Variants in SND1 observed in about 807,000 individuals in gnomAD.
SND1 encodes staphylococcal nuclease domain-containing protein 1.
Under a neutral mutation model 121.7 loss-of-function variants are expected in SND1, and 38 were observed. The observed-to-expected ratio is 0.31, with a 90% CI of 0.24 to 0.41. The LOEUF (loss-of-function observed/expected upper bound fraction) is 0.41. Ranked by LOEUF, SND1 falls within the 10% of genes least tolerant of loss-of-function variation. The pLI, the probability that SND1 is intolerant of heterozygous loss-of-function variation, is 1.00. For synonymous variants in SND1, 401 were observed against 447.4 expected, an observed-to-expected ratio of 0.90 and a Z score of 1.31; for missense variants, 868 against 1,184.6, an observed-to-expected ratio of 0.73 and a Z score of 3.92.
chr7:128,070,008 C>G (rs1793381064), intron 16 of SND1, among the ~76,000 whole-genome samples: 1 of 152,236 alleles, frequency 6.6e-6, no homozygotes, highest in Non-Finnish European at 1.5e-5. Context: ...TCAGCAACCT[C>G]AAAATCCCCA....
intron 15 of SND1, among the ~76,000 whole-genome samples, chr7:127,984,569 C>G (rs1802343157): frequency 6.6e-6 from 1 of 152,204 alleles, no homozygotes; most frequent in South Asian, 2.1e-4. Context: ...CTATTTTTCA[C>G]TAATATTCAT....
intron 15 of SND1, among the ~76,000 whole-genome samples, chr7:127,989,750 C>T (rs1802479492): frequency 6.6e-6 from 1 of 152,190 alleles, no homozygotes; most frequent in Non-Finnish European, 1.5e-5. Context: ...ATGTCTCTAG[C>T]CCAGTTCCAC....
intron 16 of SND1, among the ~76,000 whole-genome samples, chr7:128,040,069 A>G (rs1792823566): frequency 6.6e-6 from 1 of 152,118 alleles, no homozygotes; most frequent in Admixed American, 6.5e-5. Flanking sequence ...TTGCTTGACC[A>G]AGGAAGAATT....
At chr7:128,006,453 C>T (rs778840331) in intron 16 of SND1, among the ~76,000 whole-genome samples, 6 of 152,192 alleles carry the variant, frequency 3.9e-5, no homozygotes, top group Admixed American at 6.5e-5. Context: ...CTTACATGCA[C>T]ATTTTAAAAA....
chr7:127,722,766 C>T (rs1261077254), intron 10 of SND1, among the ~76,000 whole-genome samples: 1 of 152,104 alleles, frequency 6.6e-6, no homozygotes, highest in Non-Finnish European at 1.5e-5. Context: ...AAACCACGTA[C>T]AGGATGGGTG....
chr7:128,030,550 G>C (rs761482598), intron 16 of SND1: 9 of 1,613,230 alleles, frequency 5.6e-6, no homozygotes, highest in African/African-American at 1.3e-5. Flanking sequence ...GCTGCACACA[G>C]AATCCACACT....
chr7:127,863,439 C>CA (rs1030666344), intron 12 of SND1, among the ~76,000 whole-genome samples: 2 of 151,410 alleles, frequency 1.3e-5, no homozygotes, highest in Non-Finnish European at 2.9e-5. Flanking sequence ...TTTCTTCCCT[C>CA]AAAAAAAAAT....
chr7:127,989,481 T>C (rs772344216), intron 15 of SND1, among the ~76,000 whole-genome samples: 2 of 152,166 alleles, frequency 1.3e-5, no homozygotes, highest in Non-Finnish European at 2.9e-5. Flanking sequence ...AGCACCTAGC[T>C]TTATTCATAC....
chr7:127,944,092 T>C (rs1801274500), intron 15 of SND1, among the ~76,000 whole-genome samples: 2 of 152,220 alleles, frequency 1.3e-5, no homozygotes, highest in Admixed American at 1.3e-4. Context: ...ATAAACTGCT[T>C]GAATGCATTT....
chr7:128,015,717 C>T lies in SND1; in HGVS notation c.1779+24661C>T, dbSNP rs1457938614. On this transcript the variant is annotated intron_variant, in intron 16 of 23. Coordinates refer to ENST00000354725, the MANE Select transcript of SND1 (RefSeq NM_014390.4). The surrounding 1 kb of genome is among the most constrained non-coding windows in gnomAD (Gnocchi z 4.5). ...GACCTTGTTCAAGAGAAAGATATGG[C>T]TGCAGCAGCCCCAGGACACCACTCT... is the stretch of plus-strand genomic sequence containing the variant. Among the ~76,000 whole-genome samples, 1 of 152,154 alleles carries T rather than the reference C, an allele frequency of 6.6e-6. No individual in the cohort carries two copies. The highest frequency in any genetic ancestry group is 6.5e-5 in the Admixed American group (1 of 15,278).
chr7:127,726,324 A>C (rs1469947893), intron 10 of SND1, among the ~76,000 whole-genome samples: 2 of 152,160 alleles, frequency 1.3e-5, no homozygotes, highest in Admixed American at 6.5e-5. Flanking sequence ...TCTGATGTTG[A>C]CGGTGTTTCT....
chr7:128,079,822 AAAC>A (rs1793567070), intron 17 of SND1, among the ~76,000 whole-genome samples: 1 of 152,202 alleles, frequency 6.6e-6, no homozygotes, highest in Non-Finnish European at 1.5e-5. Context: ...GCAAGTTCAA[AAAC>A]AACAGGGACA....
At chr7:127,763,081 A>T (rs1465946396) in intron 10 of SND1, among the ~76,000 whole-genome samples, 1 of 152,222 alleles carries the variant, frequency 6.6e-6, no homozygotes, top group Non-Finnish European at 1.5e-5. Context: ...ATAGGGGAAT[A>T]GTGAGCACAT....
At chr7:127,826,863 CTGTA>C (rs1798652302) in intron 11 of SND1, among the ~76,000 whole-genome samples, 1 of 152,160 alleles carries the variant, frequency 6.6e-6, no homozygotes, top group South Asian at 2.1e-4. Flanking sequence ...TTGGAGGTCT[CTGTA>C]TGTCAGTCTT....
chr7:127,656,698 A>C (rs1217131068), intron 1 of SND1, among the ~76,000 whole-genome samples: 1 of 152,222 alleles, frequency 6.6e-6, no homozygotes, highest in Non-Finnish European at 1.5e-5. Context: ...TCGCTCATGC[A>C]GGAATGTTGC....
At chr7:127,673,703 A>G (rs1795565761) in intron 1 of SND1, among the ~76,000 whole-genome samples, 1 of 152,228 alleles carries the variant, frequency 6.6e-6, no homozygotes, top group Non-Finnish European at 1.5e-5. Flanking sequence ...TTCAACTGTA[A>G]TAGAGAACTT....
intron 10 of SND1, among the ~76,000 whole-genome samples, chr7:127,773,965 A>G (rs1563008431): frequency 6.6e-6 from 1 of 152,212 alleles, no homozygotes; most frequent in Non-Finnish European, 1.5e-5. Context: ...GCTGGTGTAA[A>G]CAAGCCTACT....
At chr7:127,802,039 G>C (rs1197113746) in intron 10 of SND1, among the ~76,000 whole-genome samples, 1 of 152,056 alleles carries the variant, frequency 6.6e-6, no homozygotes, top group Non-Finnish European at 1.5e-5. Context: ...TAGAGATGGG[G>C]TTTCACTGTG....
intron 12 of SND1, among the ~76,000 whole-genome samples, chr7:127,866,593 C>T (rs1307831876): frequency 6.6e-6 from 1 of 152,168 alleles, no homozygotes; most frequent in African/African-American, 2.4e-5. Flanking sequence ...CTCAACAAGG[C>T]AGATCCAAGC....
Sources: allele counts gnomAD v4.1 joint callset (sites outside exome capture counted in the v4.1 genomes callset), GRCh38; gene constraint gnomAD v4.1.1; non-coding constraint Gnocchi (gnomAD v3.1); transcripts MANE v1.5; gene names NCBI Gene and HGNC (gene_info 2026-07-23, HGNC 2026-07-21).